Variants in ZC3H11A observed in about 807,000 individuals in gnomAD.
ZC3H11A encodes the protein zinc finger CCCH domain-containing protein 11A.
ZC3H11A carries 22 observed loss-of-function variants against 90.8 expected under a neutral mutation model. The ratio of observed to expected loss-of-function variants is 0.24; its 90% CI spans 0.17 to 0.35. The LOEUF is 0.35. Among genes scored for constraint, ZC3H11A ranks in the 10% least tolerant of loss-of-function variants. The probability of loss-of-function intolerance (pLI) is 1.00; values close to 1 mark genes in which losing one functional copy is unlikely to be tolerated. For missense variants in ZC3H11A, 701 were observed against 964.9 expected (o/e 0.73, Z 3.62); for synonymous variants, 294 against 339.8 (o/e 0.87, Z 1.48).
At chr1:203,813,417 T>G (rs1675192921) in intron 2 of ZC3H11A, among the ~76,000 whole-genome samples, 2 of 152,184 alleles carry the variant, frequency 1.3e-5, no homozygotes. Flanking sequence ...GGTTTTCTTT[T>G]GTATTTAAGT....
intron 4 of ZC3H11A, among the ~76,000 whole-genome samples, chr1:203,819,490 G>A (rs1221920794): frequency 6.7e-6 from 1 of 149,104 alleles, no homozygotes; most frequent in Non-Finnish European, 1.5e-5. Flanking sequence ...TGAAAGTGCT[G>A]GGATTACATG....
intron 3 of ZC3H11A, among the ~76,000 whole-genome samples, chr1:203,817,519 G>T (rs1275727779): frequency 1.4e-5 from 2 of 146,536 alleles, no homozygotes; most frequent in African/African-American, 4.9e-5. Flanking sequence ...ACTGTCATGG[G>T]TTGAATTTGA....
At chr1:203,834,205 C>T in intron 10 of ZC3H11A, 1 of 450,314 alleles carries the variant, frequency 2.2e-6, no homozygotes, top group Non-Finnish European at 3.0e-6. Flanking sequence ...ATACAGGAAT[C>T]CCTAAGAAGA....
intron 2 of ZC3H11A, among the ~76,000 whole-genome samples, chr1:203,813,534 C>T (rs1675224137): frequency 6.6e-6 from 1 of 152,040 alleles, no homozygotes; most frequent in Non-Finnish European, 1.5e-5. Flanking sequence ...AAAGACTATC[C>T]TTTTCCCCTT....
At chr1:203,848,122 T>C (rs1194800981) in intron 13 of ZC3H11A, among the ~76,000 whole-genome samples, 1 of 152,194 alleles carries the variant, frequency 6.6e-6, no homozygotes, top group African/African-American at 2.4e-5. Context: ...TCTCCCAAAG[T>C]GCTGGGGTTA....
intron 12 of ZC3H11A, among the ~76,000 whole-genome samples, chr1:203,842,014 A>G (rs1422012046): frequency 2.1e-5 from 3 of 144,840 alleles, no homozygotes; most frequent in Non-Finnish European, 3.0e-5. Context: ...GCGGCAGGGC[A>G]GAGGCGCTCC....
intron 9 of ZC3H11A, 99 bp from the exon 10 acceptor site, chr1:203,833,692 G>A: frequency 2.3e-6 from 2 of 860,368 alleles, no homozygotes; most frequent in Non-Finnish European, 3.2e-6. Context: ...TTTCTGGGTG[G>A]ATTTACACTA....
chr1:203,833,359 T>TATTATTA, intron 9 of ZC3H11A, among the ~76,000 whole-genome samples: 1 of 107,148 alleles, frequency 9.3e-6, no homozygotes, highest in South Asian at 3.1e-4. Context: ...AGTGAGACTC[T>TATTATTA]GTCTCAAAAA....
chr1:203,846,162 G>T (rs9729831), intron 12 of ZC3H11A, among the ~76,000 whole-genome samples: 2 of 142,866 alleles, frequency 1.4e-5, no homozygotes, highest in South Asian at 4.4e-4. Context: ...AATTTTTTTG[G>T]GGGGGGGGTT....
intron 4 of ZC3H11A, among the ~76,000 whole-genome samples, chr1:203,819,142 G>A (rs1677459242): frequency 6.9e-6 from 1 of 145,560 alleles, no homozygotes; most frequent in Admixed American, 6.8e-5. Flanking sequence ...ATATGTATAT[G>A]TGTGTATATA....
In ZC3H11A at chr1:203,818,558, A is replaced by G. The variant is rs371848632; in HGVS notation, c.55-12A>G. 55 of 1,613,608 alleles carry G rather than the reference A, an allele frequency of 3.4e-5. No individual in the cohort carries two copies. Among genetic ancestry groups the G allele is most frequent in the Non-Finnish European group, 4.3e-5 (51 of 1,179,876 alleles). ...CAATGCTACAAATAGAGTGTTCTCT[A>G]TTTGTTTACAGGGTGACAGCTGCCC... On this transcript the variant is annotated splice_polypyrimidine_tract_variant and intron_variant, in intron 3 of 17. Coordinates refer to ENST00000367210, the MANE Select transcript of ZC3H11A (RefSeq NM_001376342.1).
chr1:203,806,491 T>C (rs893042305), intron 2 of ZC3H11A, among the ~76,000 whole-genome samples: 9 of 152,056 alleles, frequency 5.9e-5, no homozygotes, highest in Admixed American at 1.3e-4. Flanking sequence ...TTAATAGAGA[T>C]TAGGTTTCAC....
chr1:203,818,965 AG>A (rs1394356342), intron 4 of ZC3H11A, among the ~76,000 whole-genome samples: 1 of 151,414 alleles, frequency 6.6e-6, no homozygotes, highest in Non-Finnish European at 1.5e-5. Flanking sequence ...GCTACTCGGG[AG>A]GCTGAGGCAG....
chr1:203,809,442 C>T (rs1255090434), intron 2 of ZC3H11A, among the ~76,000 whole-genome samples: 3 of 151,932 alleles, frequency 2.0e-5, no homozygotes, highest in Non-Finnish European at 4.4e-5. Context: ...TCCCAGGTTG[C>T]TGGGATTACA....
At chr1:203,847,140 A>T (rs1413078009) in intron 12 of ZC3H11A, 44 bp from the exon 13 acceptor site, 1 of 1,600,798 alleles carries the variant, frequency 6.2e-7, no homozygotes, top group Non-Finnish European at 8.5e-7. Flanking sequence ...TCAGTAAGAG[A>T]TGAACTTCAA....
At position 203,829,921 on chromosome 1, in the gene ZC3H11A, T is replaced by C. The variant is rs756604752; in HGVS notation, c.619+25T>C. ...GGTAAGAAGAGGCTAGATTGGTGCC[T>C]CTTATAGCACTGTTGAAACTACCTT... is the stretch of plus-strand genomic sequence containing the variant. On this transcript the variant is annotated intron_variant, in intron 7 of 17. Coordinates refer to ENST00000367210, the MANE Select transcript of ZC3H11A (RefSeq NM_001376342.1). 4.4e-6 allele frequency: 7 copies of C among 1,591,972 alleles called. No individual in the cohort carries two copies. In the South Asian group the frequency reaches 6.6e-5, roughly 15 times the overall value.
chr1:203,815,477 C>T (rs916981092), intron 2 of ZC3H11A, among the ~76,000 whole-genome samples: 18 of 151,534 alleles, frequency 1.2e-4, no homozygotes, highest in Non-Finnish European at 4.4e-5. Flanking sequence ...CCTTGGCCTC[C>T]CAGAGTGCTG....
At position 203,853,964 on chromosome 1, in the gene ZC3H11A, A is replaced by G. The variant is rs1370373591; in HGVS notation, c.*1565A>G. 1 of 152,574 alleles carries G rather than the reference A, an allele frequency of 6.6e-6. No homozygotes were observed. Among genetic ancestry groups the G allele is most frequent in the African/African-American group, 2.4e-5 (1 of 41,430 alleles). 9.5% of individuals were successfully genotyped at this position (152,574 alleles called of 1,614,324 possible). On this transcript the variant is annotated 3_prime_UTR_variant, in exon 18 of 18. Transcript: ENST00000367210. ...CTTACAGATTCCAGGTCCCTTTTGTATATATTCTTTATTCTTTTGCTTTTT... is the reference window on the plus strand; with the variant it reads ...CTTACAGATTCCAGGTCCCTTTTGTGTATATTCTTTATTCTTTTGCTTTTT...
chr1:203,824,784 A>C (rs1679937003), intron 4 of ZC3H11A, among the ~76,000 whole-genome samples: 1 of 152,144 alleles, frequency 6.6e-6, no homozygotes, highest in Non-Finnish European at 1.5e-5. Flanking sequence ...TCTTATAGAG[A>C]AAATAGATTG....
Sources: allele counts gnomAD v4.1 joint callset (sites outside exome capture counted in the v4.1 genomes callset), GRCh38; gene constraint gnomAD v4.1.1; transcripts MANE v1.5; gene names NCBI Gene and HGNC (gene_info 2026-07-23, HGNC 2026-07-21).